Variants in SPTLC2 observed in about 807,000 individuals in gnomAD.
The protein encoded by SPTLC2 is serine palmitoyltransferase long chain base subunit 2.
SPTLC2 carries 21 observed loss-of-function variants against 62.0 expected under a neutral mutation model. That is an observed-to-expected ratio of 0.34 (90% confidence interval 0.24 to 0.49). The LOEUF (loss-of-function observed/expected upper bound fraction) is 0.49. Among genes scored for constraint, SPTLC2 ranks in the 20% least tolerant of loss-of-function variants. The probability of loss-of-function intolerance (pLI) is 0.99; values close to 1 mark genes in which losing one functional copy is unlikely to be tolerated. For missense variants in SPTLC2, 511 were observed against 713.0 expected (o/e 0.72, Z 3.23); for synonymous variants, 261 against 261.8 (o/e 1.00, Z 0.03).
At chr14:77,572,943 C>T (rs146055839) in intron 4 of SPTLC2, among the ~76,000 whole-genome samples, 16,423 of 152,148 alleles carry the variant, frequency 0.11, 919 homozygotes, top group Admixed American at 0.15. Context: ...TTATCCAGAC[C>T]ACTAAAACTT....
chr14:77,512,584 T>G (rs1002054402), intron 11 of SPTLC2, among the ~76,000 whole-genome samples, 181 bp from the exon 12 acceptor site: 2 of 152,238 alleles, frequency 1.3e-5, no homozygotes, highest in Non-Finnish European at 2.9e-5. Flanking sequence ...GAACAAGGCC[T>G]TCAAGCTCAC....
rs1167129943 is a variant in SPTLC2 at position 77,557,082 on chromosome 14, C to T, written c.915G>A (p.Arg305=). ...AIVYGQPRTR[R]PWKKILILVE... is the part of the protein sequence containing the mutation. Reference sequence around the variant, plus strand: ...CAAGGATGAGAATTTTCTTCCAGGGCCTTCGTGTCCGAGGCTGACCATAAA... The same window carrying T: ...CAAGGATGAGAATTTTCTTCCAGGGTCTTCGTGTCCGAGGCTGACCATAAA... The change falls in exon 7 of 12, where the codon AGG becomes AGA. Residue 305 remains arginine, a synonymous_variant. Coordinates refer to ENST00000216484, the MANE Select transcript of SPTLC2 (RefSeq NM_004863.4). The T allele has an allele frequency of 1.2e-5, 20 of 1,613,990 alleles. No individual in the cohort carries two copies. The highest frequency in any genetic ancestry group is 1.5e-5 in the Non-Finnish European group (18 of 1,180,022).
At chr14:77,524,166 A>G (rs554811298) in intron 9 of SPTLC2, among the ~76,000 whole-genome samples, 1 of 152,350 alleles carries the variant, frequency 6.6e-6, no homozygotes, top group African/African-American at 2.4e-5. Flanking sequence ...AATAAGCCAG[A>G]CATGAGACTG....
intron 1 of SPTLC2, among the ~76,000 whole-genome samples, chr14:77,598,773 CA>C (rs1389862361): frequency 1.3e-5 from 2 of 151,886 alleles, no homozygotes; most frequent in African/African-American, 4.8e-5. Context: ...TCTACAAAAA[CA>C]AAAAACAAAA....
intron 1 of SPTLC2, among the ~76,000 whole-genome samples, chr14:77,613,634 T>A (rs1415153594): frequency 6.6e-6 from 1 of 152,208 alleles, no homozygotes; most frequent in East Asian, 1.9e-4. Flanking sequence ...TCCTAGACGT[T>A]TCTGACTTCT....
chr14:77,590,799 G>C (rs1314681434), intron 2 of SPTLC2, among the ~76,000 whole-genome samples: 1 of 152,172 alleles, frequency 6.6e-6, no homozygotes, highest in African/African-American at 2.4e-5. Flanking sequence ...AAAAGGAAAG[G>C]GGGAGACATG....
intron 2 of SPTLC2, among the ~76,000 whole-genome samples, chr14:77,589,737 C>T (rs1432077666): frequency 1.3e-5 from 2 of 151,620 alleles, no homozygotes; most frequent in Non-Finnish European, 2.9e-5. Flanking sequence ...TTGCAGTAAG[C>T]CAAGATTGCG....
At chr14:77,616,222 C>G (rs1032095079) in intron 1 of SPTLC2, among the ~76,000 whole-genome samples, 2 of 152,074 alleles carry the variant, frequency 1.3e-5, no homozygotes, top group African/African-American at 4.8e-5. Context: ...ACCCAGAGCT[C>G]CGGGAGTAAG....
At chr14:77,562,800 C>T (rs1193645807) in intron 5 of SPTLC2, among the ~76,000 whole-genome samples, 3 of 152,174 alleles carry the variant, frequency 2.0e-5, no homozygotes, top group Middle Eastern at 3.4e-3. Flanking sequence ...GTCTCTAAAA[C>T]GTTTTGGTTT....
At chr14:77,605,328 T>C (rs1006791735) in intron 1 of SPTLC2, among the ~76,000 whole-genome samples, 2 of 152,146 alleles carry the variant, frequency 1.3e-5, no homozygotes. Flanking sequence ...AACTTATTCT[T>C]ATGTCATGTT....
rs549847404 is a variant in SPTLC2 at position 77,506,615 on chromosome 14, G to A, written c.*5669C>T. ...AACAAGACTTAATGTTAAGGGTAAA[G>A]ACACCACGCCACCCTAGTCAGTGAC... On this transcript the variant is annotated 3_prime_UTR_variant, in exon 12 of 12. Coordinates refer to ENST00000216484, the MANE Select transcript of SPTLC2 (RefSeq NM_004863.4). 9 of 152,326 alleles carry A rather than the reference G, an allele frequency of 5.9e-5. No individual in the cohort carries two copies. In the South Asian group the frequency reaches 1.7e-3, roughly 28 times the overall value. 9.4% of individuals were successfully genotyped at this position (152,326 alleles called of 1,614,324 possible).
intron 1 of SPTLC2, among the ~76,000 whole-genome samples, chr14:77,609,598 G>A (rs899163457): frequency 2.0e-5 from 3 of 152,088 alleles, no homozygotes; most frequent in Admixed American, 6.5e-5. Flanking sequence ...TTAGCTGGGC[G>A]TGGTGGCATG....
intron 5 of SPTLC2, 65 bp downstream of exon 5, chr14:77,570,319 G>T: frequency 1.3e-6 from 2 of 1,592,940 alleles, no homozygotes; most frequent in South Asian, 2.2e-5. Context: ...AGCTCACTCT[G>T]ACTGCTTTTC....
chr14:77,596,529 A>ACAAT (rs1306983374), intron 2 of SPTLC2, among the ~76,000 whole-genome samples: 1 of 151,942 alleles, frequency 6.6e-6, no homozygotes, highest in Non-Finnish European at 1.5e-5. Flanking sequence ...AAACAAACAA[A>ACAAT]CAAAAAACCC....
chr14:77,529,551 T>C (rs905802349), intron 9 of SPTLC2, among the ~76,000 whole-genome samples: 4 of 151,348 alleles, frequency 2.6e-5, no homozygotes, highest in Non-Finnish European at 4.4e-5. Context: ...GTAAAGAAAA[T>C]AGCACAGTGC....
At chr14:77,566,756 G>C (rs1264670860) in intron 5 of SPTLC2, among the ~76,000 whole-genome samples, 1 of 151,928 alleles carries the variant, frequency 6.6e-6, no homozygotes. Flanking sequence ...CACCGCGCCC[G>C]GCCACAAAAT....
At chr14:77,615,438 A>G (rs1414146057) in intron 1 of SPTLC2, among the ~76,000 whole-genome samples, 1 of 152,232 alleles carries the variant, frequency 6.6e-6, no homozygotes, top group Non-Finnish European at 1.5e-5. Context: ...AAACTGCAAC[A>G]GTCACACTCC....
chr14:77,568,188 T>C (rs7159334), intron 5 of SPTLC2, among the ~76,000 whole-genome samples: 34,023 of 152,128 alleles, frequency 0.22, 3,989 homozygotes, highest in Middle Eastern at 0.33. Flanking sequence ...ATGTTTATTT[T>C]CCCCTGTTTT....
intron 2 of SPTLC2, among the ~76,000 whole-genome samples, chr14:77,592,191 G>A (rs1277198350): frequency 6.6e-6 from 1 of 151,038 alleles, no homozygotes; most frequent in Non-Finnish European, 1.5e-5. Context: ...CTGGAGTGCT[G>A]TGACAAGATC....
Sources: allele counts gnomAD v4.1 joint callset (sites outside exome capture counted in the v4.1 genomes callset), GRCh38; gene constraint gnomAD v4.1.1; transcripts MANE v1.5; gene names NCBI Gene and HGNC (gene_info 2026-07-23, HGNC 2026-07-21).